Variants in ZFHX3 observed in about 807,000 individuals in gnomAD.
The protein encoded by ZFHX3 is zinc finger homeobox protein 3.
ZFHX3 carries 42 observed loss-of-function variants against 279.1 expected under a neutral mutation model. The ratio of observed to expected loss-of-function variants is 0.15; its 90% confidence interval spans 0.12 to 0.19. ZFHX3 has a LOEUF of 0.19. Among genes scored for constraint, ZFHX3 ranks in the 10% least tolerant of loss-of-function variants. The probability of loss-of-function intolerance (pLI) is 1.00; values close to 1 mark genes in which losing one functional copy is unlikely to be tolerated. For synonymous variants in ZFHX3, 2,293 were observed against 1,957.8 expected, an observed-to-expected ratio of 1.17 and a Z score of -4.52; for missense variants, 4,981 against 4,754.0, an observed-to-expected ratio of 1.05 and a Z score of -1.40.
At chr16:73,448,086 G>T (rs959201419) in intron 3 of ZFHX3, among the ~76,000 whole-genome samples, 3 of 152,172 alleles carry the variant, frequency 2.0e-5, no homozygotes, top group African/African-American at 7.2e-5. Context: ...CAGCCTTGCT[G>T]TGTGTTTGTG....
At chr16:73,674,322 TG>T (rs1567548446) in intron 2 of ZFHX3, among the ~76,000 whole-genome samples, 1 of 152,154 alleles carries the variant, frequency 6.6e-6, no homozygotes, top group African/African-American at 2.4e-5. Context: ...CAAAAATGCA[TG>T]GGCAGAATGC....
At chr16:72,933,930 C>T (rs1567591614) in intron 3 of ZFHX3, among the ~76,000 whole-genome samples, 1 of 150,752 alleles carries the variant, frequency 6.6e-6, no homozygotes, top group Non-Finnish European at 1.5e-5. Flanking sequence ...GCCATTCTCC[C>T]ACCTCAGCCT....
At chr16:73,397,139 C>T (rs75261340) in intron 3 of ZFHX3, among the ~76,000 whole-genome samples, 1,975 of 152,324 alleles carry the variant, frequency 0.013, 48 homozygotes, top group African/African-American at 0.045. Context: ...TAATAGCAGT[C>T]TATGCACTCA....
chr16:73,322,367 C>T (rs1305664785), intron 3 of ZFHX3, among the ~76,000 whole-genome samples: 3 of 151,904 alleles, frequency 2.0e-5, no homozygotes, highest in Non-Finnish European at 4.4e-5. Context: ...TTTAAATGTG[C>T]CATAACAGAA....
At chr16:73,164,137 A>C (rs2144859118) in intron 5 of ZFHX3, among the ~76,000 whole-genome samples, 1 of 152,336 alleles carries the variant, frequency 6.6e-6, no homozygotes, top group African/African-American at 2.4e-5. Context: ...TGAAACAATA[A>C]GAAATTTGAA....
At chr16:72,956,744 C>T (rs1395124039) in intron 2 of ZFHX3, among the ~76,000 whole-genome samples, 2 of 132,980 alleles carry the variant, frequency 1.5e-5, no homozygotes, top group Non-Finnish European at 3.2e-5. Flanking sequence ...TTTCATCTCT[C>T]ACACCCCTCA....
chr16:73,140,272 A>T (rs375312655), intron 6 of ZFHX3, among the ~76,000 whole-genome samples: 7 of 152,156 alleles, frequency 4.6e-5, no homozygotes, highest in Non-Finnish European at 7.3e-5. Flanking sequence ...AAAAAAAGGT[A>T]TAAAATAAAA....
At chr16:73,644,534 G>A (rs2052601054) in intron 2 of ZFHX3, among the ~76,000 whole-genome samples, 3 of 152,092 alleles carry the variant, frequency 2.0e-5, no homozygotes, top group South Asian at 2.1e-4. Flanking sequence ...GGTGGCGGGT[G>A]CCTGTAATCC....
At chr16:72,938,128 G>A (rs1960218619) in intron 3 of ZFHX3, among the ~76,000 whole-genome samples, 1 of 152,252 alleles carries the variant, frequency 6.6e-6, no homozygotes, top group Non-Finnish European at 1.5e-5. Context: ...TGACACCCGT[G>A]TGGGGCAGAG....
chr16:73,675,394 T>C (rs761328768), intron 2 of ZFHX3, among the ~76,000 whole-genome samples: 8 of 152,054 alleles, frequency 5.3e-5, no homozygotes, highest in Non-Finnish European at 8.8e-5. Context: ...AAGACACATA[T>C]AAAATCAGAC....
chr16:73,188,143 G>A (rs1247431624), intron 5 of ZFHX3, among the ~76,000 whole-genome samples: 5 of 152,136 alleles, frequency 3.3e-5, no homozygotes, highest in Admixed American at 6.5e-5. Flanking sequence ...TTACAGGCAT[G>A]AGCCACTGTG....
At chr16:73,580,943 T>G (rs2051855094) in intron 2 of ZFHX3, among the ~76,000 whole-genome samples, 2 of 151,864 alleles carry the variant, frequency 1.3e-5, no homozygotes, top group African/African-American at 4.9e-5. Context: ...TGCCACAGGC[T>G]GAACCCAGTC....
chr16:73,791,050 A>C (rs1038853555), intron 1 of ZFHX3, among the ~76,000 whole-genome samples: 1 of 151,358 alleles, frequency 6.6e-6, no homozygotes, highest in Non-Finnish European at 1.5e-5. Context: ...CTGTAACCTC[A>C]AATACCTGGA....
chr16:72,959,194 T>C lies in ZFHX3; in HGVS notation c.952A>G (p.Ser318Gly). 6.2e-7 allele frequency: 1 copy of C among 1,614,234 alleles called. No homozygotes were observed. The highest frequency in any genetic ancestry group is 8.5e-7 in the Non-Finnish European group (1 of 1,180,042). ...ATGATAGCGGAGATGTTCTTATTGC[T>C]AAGAATTTTCCGCTCGTCTTCGCTC... Reference protein sequence around the residue: ...TLSEDERKILSNKNISAIIQG... With the variant: ...TLSEDERKILGNKNISAIIQG... The change falls in exon 2 of 10, where the codon AGC becomes GGC. Residue 318 changes from serine (S) to glycine (G), a missense_variant. Ser to Gly is a moderately conservative substitution (Grantham distance 56). Around this residue, in one of 7 missense-constraint regions of ZFHX3, gnomAD observed 1,068 missense variants for 935.2 expected, o/e 1.14. Coordinates refer to ENST00000268489, the MANE Select transcript of ZFHX3 (RefSeq NM_006885.4).
intron 1 of ZFHX3, among the ~76,000 whole-genome samples, chr16:73,029,381 G>C (rs1411149951): frequency 6.6e-6 from 1 of 152,154 alleles, no homozygotes; most frequent in African/African-American, 2.4e-5. Context: ...GGTCCATGCT[G>C]CTCCTTCTAC....
chr16:73,166,838 C>G (rs547263143), intron 5 of ZFHX3, among the ~76,000 whole-genome samples: 1 of 152,284 alleles, frequency 6.6e-6, no homozygotes, highest in South Asian at 2.1e-4. Flanking sequence ...TTTTCAGAGT[C>G]ACCTGAGGAC....
chr16:73,815,861 A>T (rs1176727981), intron 1 of ZFHX3: 1 of 152,008 alleles, frequency 6.6e-6, no homozygotes, highest in Non-Finnish European at 1.5e-5. Context: ...CACTGCACCC[A>T]TTTTCTAATC....
chr16:73,663,136 C>A (rs1448770124), intron 2 of ZFHX3, among the ~76,000 whole-genome samples: 5 of 152,212 alleles, frequency 3.3e-5, no homozygotes, highest in Non-Finnish European at 7.3e-5. Flanking sequence ...TGATTTGTAG[C>A]GTCTTGACAG....
intron 4 of ZFHX3, among the ~76,000 whole-genome samples, chr16:72,835,454 T>C (rs550832469): frequency 7.2e-5 from 11 of 152,326 alleles, no homozygotes; most frequent in African/African-American, 2.4e-4. Context: ...TAAAAGCTCA[T>C]CTTTCCTGGA....
Sources: allele counts gnomAD v4.1 joint callset (sites outside exome capture counted in the v4.1 genomes callset), GRCh38; gene constraint gnomAD v4.1.1; regional missense constraint gnomAD v4.1.1; transcripts MANE v1.5; gene names NCBI Gene and HGNC (gene_info 2026-07-23, HGNC 2026-07-21).